JAKMIP3: variants seen among roughly 807,000 people sequenced by gnomAD.
JAKMIP3 encodes Janus kinase and microtubule interacting protein 3.
Under a neutral mutation model 118.5 loss-of-function variants are expected in JAKMIP3, and 58 were observed. The observed-to-expected ratio is 0.49, with a 90% CI of 0.40 to 0.61. The LOEUF (loss-of-function observed/expected upper bound fraction) is 0.61. JAKMIP3 is among the 20% of genes least tolerant of loss of function. JAKMIP3 has a pLI of 0.00. For synonymous variants in JAKMIP3, 486 were observed against 451.2 expected (o/e 1.08, Z -0.98); for missense variants, 950 against 1,109.0 (o/e 0.86, Z 2.04).
At chr10:132,174,076 T>C (rs577454989) in intron 23 of JAKMIP3, among the ~76,000 whole-genome samples, 1 of 151,220 alleles carries the variant, frequency 6.6e-6, no homozygotes, top group East Asian at 2.0e-4. Context: ...TGTCTGGTGG[T>C]TTCTGGTGTG....
At position 132,104,844 on chromosome 10, in the gene JAKMIP3, G is replaced by T. The variant is rs1038271916; in HGVS notation, c.36G>T (p.Gly12=). The change falls in exon 2 of 24, where the codon GGG becomes GGT. Residue 12 remains glycine, a synonymous_variant. Coordinates refer to ENST00000684848, the MANE Select transcript of JAKMIP3 (RefSeq NM_001323087.2). Reference sequence around the variant, plus strand: ...GGGGCATGAGCAGCCGGGCCAAGGGGGACAAGGCAGAGGCCCTCGCGGCGC... The same window carrying T: ...GGGGCATGAGCAGCCGGGCCAAGGGTGACAAGGCAGAGGCCCTCGCGGCGC... ...SKRGMSSRAK[G]DKAEALAALQ... The T allele has an allele frequency of 3.9e-6, 6 of 1,554,950 alleles. No homozygotes were observed. In the African/African-American group the frequency reaches 4.1e-5, roughly 11 times the overall value.
At chr10:132,157,482 C>T (rs1330374877) in intron 19 of JAKMIP3, among the ~76,000 whole-genome samples, 2 of 152,200 alleles carry the variant, frequency 1.3e-5, no homozygotes, top group African/African-American at 4.8e-5. Flanking sequence ...TGGAGATTAT[C>T]TGCAGGAAAA....
intron 1 of JAKMIP3, among the ~76,000 whole-genome samples, chr10:132,040,424 G>C (rs928336376): frequency 6.6e-6 from 1 of 152,150 alleles, no homozygotes; most frequent in African/African-American, 2.4e-5. Context: ...ACATCTGCTG[G>C]CTGCCTGCTG....
chr10:132,162,457 C>T (rs1209409042), intron 19 of JAKMIP3, among the ~76,000 whole-genome samples: 1 of 152,324 alleles, frequency 6.6e-6, no homozygotes, highest in East Asian at 1.9e-4. Context: ...TGGAGGTTGA[C>T]ATGTGAGCTG....
intron 1 of JAKMIP3, among the ~76,000 whole-genome samples, chr10:132,050,724 C>A (rs377164530): frequency 5.9e-4 from 90 of 152,316 alleles, no homozygotes; most frequent in African/African-American, 2.0e-3. Context: ...TTGTGGAGAA[C>A]CTTCTAGGGG....
chr10:132,085,601 A>C (rs918000772), intron 1 of JAKMIP3, among the ~76,000 whole-genome samples: 2 of 151,736 alleles, frequency 1.3e-5, no homozygotes, highest in African/African-American at 4.8e-5. Flanking sequence ...CCTGGGTTCA[A>C]GCGATTCTTC....
chr10:132,138,165 C>G lies in JAKMIP3; in HGVS notation c.1331C>G (p.Ala444Gly), dbSNP rs1736348110. 1 of 1,610,666 alleles carries G rather than the reference C, an allele frequency of 6.2e-7. No homozygotes were observed. The change falls in exon 9 of 24, where the codon GCA becomes GGA. Residue 444 changes from alanine to glycine, a missense_variant. By Grantham distance (60) the Ala-to-Gly change is moderately conservative (BLOSUM62 0). Coordinates refer to ENST00000684848, the MANE Select transcript of JAKMIP3 (RefSeq NM_001323087.2). ...TTCCGGAAGCAAAGAAAGAAAATGG[C>G]AAAACTTCCCAAGGTAAGGAACAGC... is the stretch of plus-strand genomic sequence containing the variant. The part of the protein sequence containing the change: ...LRFRKQRKKM[A>G]KLPKPVVVET...
intron 1 of JAKMIP3, among the ~76,000 whole-genome samples, chr10:132,054,091 T>C (rs990940650): frequency 2.0e-5 from 3 of 149,006 alleles, no homozygotes; most frequent in Non-Finnish European, 4.4e-5. Flanking sequence ...CCTGTGAACA[T>C]GGGGCTACCA....
chr10:132,099,842 G>A (rs1343284962), intron 1 of JAKMIP3, among the ~76,000 whole-genome samples: 2 of 151,706 alleles, frequency 1.3e-5, no homozygotes, highest in Non-Finnish European at 2.9e-5. Flanking sequence ...CAAACCCCTC[G>A]CACTGCCACG....
intron 1 of JAKMIP3, among the ~76,000 whole-genome samples, chr10:132,055,900 T>G (rs1427001166): frequency 3.9e-5 from 6 of 152,186 alleles, no homozygotes; most frequent in Admixed American, 2.0e-4. Flanking sequence ...CTTGTTCAGA[T>G]ATTCTGAAGA....
intron 10 of JAKMIP3, 139 bp from the exon 11 acceptor site, chr10:132,141,781 C>T: frequency 1.0e-6 from 1 of 954,706 alleles, no homozygotes; most frequent in Non-Finnish European, 1.5e-6. Context: ...CAGGTCCCCT[C>T]CCTCATGCTG....
At chr10:132,067,082 G>A (rs564162816) in intron 1 of JAKMIP3, among the ~76,000 whole-genome samples, 5 of 152,214 alleles carry the variant, frequency 3.3e-5, no homozygotes, top group Non-Finnish European at 5.9e-5. Context: ...CTCAGTTCCC[G>A]AGAAGAGCAG....
chr10:132,152,866 C>T (rs2056456706), intron 16 of JAKMIP3, 92 bp from the exon 17 acceptor site: 5 of 1,026,122 alleles, frequency 4.9e-6, no homozygotes, highest in Non-Finnish European at 7.4e-6. Flanking sequence ...CCCAGTCAGC[C>T]TCCCCAGTCA....
chr10:132,180,676 C>CGCGTGT (rs1554963146), intron 23 of JAKMIP3, among the ~76,000 whole-genome samples: 2 of 4,574 alleles, frequency 4.4e-4, no homozygotes, highest in African/African-American at 8.2e-4. Context: ...CGTGTGTGTG[C>CGCGTGT]GCGCGCGTGT....
At chr10:132,180,308 C>A (rs1198669875) in intron 23 of JAKMIP3, among the ~76,000 whole-genome samples, 2 of 151,674 alleles carry the variant, frequency 1.3e-5, no homozygotes, top group East Asian at 3.9e-4. Context: ...CCCATGGAGC[C>A]ACAGAGACCA....
chr10:132,119,067 C>T (rs1360593215), intron 3 of JAKMIP3, among the ~76,000 whole-genome samples: 1 of 152,186 alleles, frequency 6.6e-6, no homozygotes, highest in African/African-American at 2.4e-5. Flanking sequence ...CGATCTGAAC[C>T]CCCAGAGGCA....
intron 23 of JAKMIP3, among the ~76,000 whole-genome samples, chr10:132,169,313 G>T (rs1370353902): frequency 6.6e-6 from 1 of 152,142 alleles, no homozygotes; most frequent in Admixed American, 6.5e-5. Context: ...CTTGCAGGAG[G>T]AGGCTTGCGG....
At chr10:132,115,138 C>T (rs938609274) in intron 2 of JAKMIP3, among the ~76,000 whole-genome samples, 7 of 152,306 alleles carry the variant, frequency 4.6e-5, no homozygotes, top group South Asian at 2.1e-4. Context: ...TTCAAATTAG[C>T]GCTGAGCACT....
chr10:132,137,294 G>C lies in JAKMIP3; in HGVS notation c.1284+5G>C. 1 of 1,613,816 alleles carries C rather than the reference G, an allele frequency of 6.2e-7. No individual in the cohort carries two copies. Among genetic ancestry groups the C allele is most frequent in the Non-Finnish European group, 8.5e-7 (1 of 1,179,888 alleles). Reference sequence around the variant, plus strand: ...GGCTACGTGAAGAGCGTGTTAGTAAGTATGGTCAGCGCCCGCTTCCCCACG... The same window carrying C: ...GGCTACGTGAAGAGCGTGTTAGTAACTATGGTCAGCGCCCGCTTCCCCACG... On this transcript the variant is annotated splice_donor_5th_base_variant and intron_variant, in intron 8 of 23. Transcript: ENST00000684848.
Sources: gnomAD v4.1 joint callset for allele counts (sites outside exome capture counted in the v4.1 genomes callset) on GRCh38, gnomAD v4.1.1 for gene constraint, MANE v1.5 for transcripts, NCBI Gene and HGNC (gene_info 2026-07-23, HGNC 2026-07-21) for gene names.